ANKRD11: variants seen among roughly 807,000 people sequenced by gnomAD.
ANKRD11 encodes ankyrin repeat domain-containing protein 11.
In ANKRD11, 17 loss-of-function variants were observed where a neutral mutation model predicts 195.7. The observed-to-expected ratio is 0.09, with a 90% CI of 0.06 to 0.13. The LOEUF (loss-of-function observed/expected upper bound fraction) is 0.13. Among genes scored for constraint, ANKRD11 ranks in the 10% least tolerant of loss-of-function variants. ANKRD11 has a pLI of 1.00. For missense variants in ANKRD11, 3,735 were observed against 3,566.1 expected (o/e 1.05, Z -1.21); for synonymous variants, 1,953 against 1,528.1 (o/e 1.28, Z -6.49).
Position 89,317,183 on chromosome 16 carries a change from C to T in ANKRD11, c.-59-105G>A. The T allele has an allele frequency of 3.5e-6, 3 of 848,692 alleles. No homozygotes were observed. The South Asian group carries it at 4.3e-5, about 12-fold the overall frequency. The allele number at this position is 848,692 out of a possible 1,614,324, so 52.6% of individuals were successfully genotyped here. On this transcript the variant is annotated intron_variant, in intron 2 of 12. Coordinates refer to ENST00000301030, the MANE Select transcript of ANKRD11 (RefSeq NM_013275.6). Reference sequence around the variant, plus strand: ...CTCAGTAACTAGTCAAGGCAGGCAGCTGCTCTGATCAGGGCTGGGGCCCGG... The same window carrying T: ...CTCAGTAACTAGTCAAGGCAGGCAGTTGCTCTGATCAGGGCTGGGGCCCGG...
intron 2 of ANKRD11, among the ~76,000 whole-genome samples, chr16:89,334,366 C>G (rs2038237563): frequency 6.6e-6 from 1 of 151,962 alleles, no homozygotes; most frequent in South Asian, 2.1e-4. Context: ...CAAGACTGAA[C>G]AGAAACAACC....
chr16:89,477,102 T>C lies in ANKRD11; in HGVS notation c.-145+13143A>G, dbSNP rs140729958. Among the ~76,000 whole-genome samples the C allele has an allele frequency of 2.6e-3, 391 of 152,310 alleles. 18 individuals carry two copies. In the East Asian group the frequency reaches 0.065, roughly 25 times the overall value. On this transcript the variant is annotated intron_variant, in intron 1 of 12. Coordinates refer to ENST00000301030, the MANE Select transcript of ANKRD11 (RefSeq NM_013275.6). ...TGGTCTTGTCTTTCTTTGTCTACTA[T>C]TTAAAACACGAGAGAATTAGCTAGT...
chr16:89,276,546 G>A (rs919469956), intron 9 of ANKRD11, among the ~76,000 whole-genome samples: 1 of 152,156 alleles, frequency 6.6e-6, no homozygotes, highest in Non-Finnish European at 1.5e-5. Context: ...TCGCAGGCCA[G>A]GCCTGGGGCC....
At chr16:89,384,099 A>T (rs141512954) in intron 2 of ANKRD11, among the ~76,000 whole-genome samples, 3,863 of 152,312 alleles carry the variant, frequency 0.025, 62 homozygotes, top group Non-Finnish European at 0.037. Flanking sequence ...AGGCGCTTGT[A>T]ATCCCAGCTA....
intron 2 of ANKRD11, among the ~76,000 whole-genome samples, chr16:89,415,829 C>CAAAAAAAAAAAAAAAAAAAA (rs71134220): frequency 0.02 from 798 of 39,646 alleles, 77 homozygotes; most frequent in Non-Finnish European, 0.025. Context: ...GACTCTGTCT[C>CAAAAAAAAAAAAAAAAAAAA]AAAAAAAAAA....
chr16:89,336,328 G>A (rs998662044), intron 2 of ANKRD11, among the ~76,000 whole-genome samples: 5 of 152,228 alleles, frequency 3.3e-5, no homozygotes, highest in Non-Finnish European at 7.3e-5. Flanking sequence ...GCAACTGCCC[G>A]CACCTCCAAG....
chr16:89,456,983 G>T (rs1358817770), intron 1 of ANKRD11, among the ~76,000 whole-genome samples: 1 of 141,856 alleles, frequency 7.0e-6, no homozygotes, highest in East Asian at 2.1e-4. Context: ...TTTTTGAGAC[G>T]GAGTCTCGCT....
chr16:89,438,936 A>G (rs1209729610), intron 1 of ANKRD11, among the ~76,000 whole-genome samples: 1 of 151,980 alleles, frequency 6.6e-6, no homozygotes, highest in Non-Finnish European at 1.5e-5. Context: ...TGAGCCAATG[A>G]GTTCGTGATC....
At chr16:89,315,798 C>G (rs1453487566) in intron 3 of ANKRD11, among the ~76,000 whole-genome samples, 1 of 152,206 alleles carries the variant, frequency 6.6e-6, no homozygotes, top group African/African-American at 2.4e-5. Context: ...GAGTCGCCAT[C>G]ATGTTGCTGC....
At chr16:89,397,533 G>A (rs997215884) in intron 2 of ANKRD11, among the ~76,000 whole-genome samples, 1 of 152,206 alleles carries the variant, frequency 6.6e-6, no homozygotes, top group African/African-American at 2.4e-5. Flanking sequence ...AGTCGTCCCT[G>A]ACGGGGAAGG....
chr16:89,392,434 T>C (rs1597258057), intron 2 of ANKRD11: 1 of 152,202 alleles, frequency 6.6e-6, no homozygotes, highest in East Asian at 1.9e-4. Context: ...TCTTACATTT[T>C]CTACAATGGG....
At chr16:89,489,884 G>A (rs1005003526) in intron 1 of ANKRD11, among the ~76,000 whole-genome samples, 4 of 142,078 alleles carry the variant, frequency 2.8e-5, no homozygotes, top group African/African-American at 7.9e-5. Flanking sequence ...AGCCGCCGCG[G>A]GCCCCCGGCC....
chr16:89,387,550 G>A (rs1177140437), intron 2 of ANKRD11, among the ~76,000 whole-genome samples: 1 of 151,874 alleles, frequency 6.6e-6, no homozygotes, highest in Non-Finnish European at 1.5e-5. Flanking sequence ...GCGGGCGCCT[G>A]TACTCCCAGC....
At chr16:89,314,081 G>A (rs577423325) in intron 3 of ANKRD11, among the ~76,000 whole-genome samples, 3 of 152,244 alleles carry the variant, frequency 2.0e-5, no homozygotes, top group South Asian at 2.1e-4. Context: ...AAAATGAGCC[G>A]GGTGTAGCGG....
At chr16:89,469,975 G>A (rs973618234) in intron 1 of ANKRD11, among the ~76,000 whole-genome samples, 4 of 151,114 alleles carry the variant, frequency 2.6e-5, no homozygotes, top group African/African-American at 7.3e-5. Context: ...GTGCGATCTC[G>A]GCTCATTGCA....
chr16:89,441,517 C>T (rs977507356), intron 1 of ANKRD11, among the ~76,000 whole-genome samples: 11 of 151,986 alleles, frequency 7.2e-5, no homozygotes, highest in African/African-American at 2.4e-4. Context: ...CCTGTAATCC[C>T]AGCACTTTGG....
chr16:89,335,882 G>A lies in ANKRD11; in HGVS notation c.-59-18804C>T, dbSNP rs559066063. On this transcript the variant is annotated intron_variant, in intron 2 of 12. Coordinates refer to ENST00000301030, the MANE Select transcript of ANKRD11 (RefSeq NM_013275.6). ...AAGGGCTAGGAGAAACGCAGGGCAG[G>A]ATCCCCACACGCCAGCAGCTGACTG... Among the ~76,000 whole-genome samples, 4 of 152,308 alleles carry A rather than the reference G, an allele frequency of 2.6e-5. No individual in the cohort carries two copies. The East Asian group carries it at 5.8e-4, about 22-fold the overall frequency.
Position 89,354,071 on chromosome 16 carries a change from G to A in ANKRD11, c.-59-36993C>T, listed in dbSNP as rs532128218. ...CCTGCAGGGCTCTCGGGAGCTGCCC[G>A]CCCAACAGTCCCATGCCTGGCACTC... On this transcript the variant is annotated intron_variant, in intron 2 of 12. Coordinates refer to ENST00000301030, the MANE Select transcript of ANKRD11 (RefSeq NM_013275.6). Among the ~76,000 whole-genome samples, 26 of 152,186 alleles carry A rather than the reference G, an allele frequency of 1.7e-4. No individual in the cohort carries two copies. In the East Asian group the frequency reaches 3.1e-3, roughly 18 times the overall value.
At chr16:89,389,185 ATTT>A (rs879261011) in intron 2 of ANKRD11, among the ~76,000 whole-genome samples, 2 of 146,576 alleles carry the variant, frequency 1.4e-5, no homozygotes, top group African/African-American at 5.0e-5. Flanking sequence ...CGTCTGGCTA[ATTT>A]TTTTTTTTTT....
Sources: gnomAD v4.1 joint callset for allele counts (sites outside exome capture counted in the v4.1 genomes callset) on GRCh38, gnomAD v4.1.1 for gene constraint, MANE v1.5 for transcripts, NCBI Gene and HGNC (gene_info 2026-07-23, HGNC 2026-07-21) for gene names.